ARFGAP3: variants seen among roughly 807,000 people sequenced by gnomAD.
The protein encoded by ARFGAP3 is ADP-ribosylation factor GTPase-activating protein 3.
A neutral mutation model predicts 75.0 loss-of-function variants in ARFGAP3; 72 were observed. The ratio of observed to expected loss-of-function variants is 0.96; its 90% CI spans 0.79 to 1.17. The LOEUF is 1.17. ARFGAP3 is among the 50% of genes most tolerant of loss of function. The probability of loss-of-function intolerance (pLI) is 0.00; values close to 1 mark genes in which losing one functional copy is unlikely to be tolerated. For missense variants in ARFGAP3, 620 were observed against 626.6 expected, an observed-to-expected ratio of 0.99 and a Z score of 0.11; for synonymous variants, 221 against 217.9, an observed-to-expected ratio of 1.01 and a Z score of -0.13.
chr22:42,847,728 C>A, intron 1 of ARFGAP3, 96 bp from the exon 2 acceptor site: 1 of 1,419,544 alleles, frequency 7.0e-7, no homozygotes, highest in Non-Finnish European at 9.3e-7. Flanking sequence ...AACTGTTTAA[C>A]CTTTACAATG....
chr22:42,819,959 CTTTGTT>C (rs1925740651), intron 9 of ARFGAP3, among the ~76,000 whole-genome samples: 1 of 152,216 alleles, frequency 6.6e-6, no homozygotes, highest in South Asian at 2.1e-4. Context: ...CGATCTGCAT[CTTTGTT>C]TTTGTGATGT....
chr22:42,827,115 A>G, intron 6 of ARFGAP3, 116 bp from the exon 7 acceptor site: 1 of 1,426,958 alleles, frequency 7.0e-7, no homozygotes, highest in Non-Finnish European at 9.2e-7. Context: ...GTCAATGATC[A>G]CCTACCTTTT....
intron 14 of ARFGAP3, among the ~76,000 whole-genome samples, chr22:42,803,136 A>C (rs1169760129): frequency 6.6e-6 from 1 of 152,156 alleles, no homozygotes; most frequent in Non-Finnish European, 1.5e-5. Context: ...TTGGAACTAT[A>C]GGCATTAGCC....
intron 1 of ARFGAP3, among the ~76,000 whole-genome samples, chr22:42,856,274 A>G (rs5758990): frequency 0.43 from 65,593 of 152,062 alleles, 14,686 homozygotes; most frequent in Non-Finnish European, 0.48. Flanking sequence ...ATGCCAGCAT[A>G]TCGAGGTTCA....
chr22:42,823,122 T>A (rs1158921412), intron 8 of ARFGAP3, among the ~76,000 whole-genome samples: 1 of 152,068 alleles, frequency 6.6e-6, no homozygotes, highest in Non-Finnish European at 1.5e-5. Flanking sequence ...TTGTTTTTTT[T>A]TCCCCCCCAA....
At chr22:42,807,746 T>C (rs1925189858) in intron 13 of ARFGAP3, among the ~76,000 whole-genome samples, 1 of 152,076 alleles carries the variant, frequency 6.6e-6, no homozygotes, top group African/African-American at 2.4e-5. Flanking sequence ...CCACTTCCAC[T>C]TGAGTCTTAC....
At position 42,797,811 on chromosome 22, in the gene ARFGAP3, A is replaced by G. The variant is rs929796449; in HGVS notation, c.1534-206T>C. 6.7e-5 allele frequency: 59 copies of G among 876,846 alleles called. No homozygotes were observed. The African/African-American group carries it at 1.1e-3, about 16-fold the overall frequency. 54.3% of individuals were successfully genotyped at this position (876,846 alleles called of 1,614,324 possible). On this transcript the variant is annotated intron_variant, in intron 15 of 15. Coordinates refer to ENST00000263245, the MANE Select transcript of ARFGAP3 (RefSeq NM_014570.5). ...GGGTAGGTGTGGGCTTCAGAACCCA[A>G]CAGGATTCACATCCTGCCTCTGGCA...
At chr22:42,851,874 A>T (rs1311292915) in intron 1 of ARFGAP3, among the ~76,000 whole-genome samples, 1 of 152,192 alleles carries the variant, frequency 6.6e-6, no homozygotes, top group Non-Finnish European at 1.5e-5. Flanking sequence ...TTCAGGCACT[A>T]TTGTTGGCAC....
At position 42,798,912 on chromosome 22, in the gene ARFGAP3, T is replaced by C. The variant is rs376391753; in HGVS notation, c.1533+127A>G. On this transcript the variant is annotated intron_variant, in intron 15 of 15. Coordinates refer to ENST00000263245, the MANE Select transcript of ARFGAP3 (RefSeq NM_014570.5). ...GTTTTCATAATGTTCTGGGTTATAG[T>C]GTAGCAAACATATCGATCCAATAAT... is the stretch of plus-strand genomic sequence containing the variant. 529 of 778,644 alleles carry C rather than the reference T, an allele frequency of 6.8e-4. 5 individuals are homozygous for C. In the Middle Eastern group the frequency reaches 7.4e-3, roughly 11 times the overall value. 48.2% of individuals were successfully genotyped at this position (778,644 alleles called of 1,614,324 possible). A position where few individuals can be genotyped will look rare whatever the true frequency, so the allele number is the denominator to read the frequency against.
rs199973508 is a variant in ARFGAP3 at position 42,799,158 on chromosome 22, T to C, written c.1414A>G (p.Asn472Asp). 6.2e-7 allele frequency: 1 copy of C among 1,614,002 alleles called. No homozygotes were observed. Among genetic ancestry groups the C allele is most frequent in the East Asian group, 2.2e-5 (1 of 44,886 alleles). Residue 472 changes from asparagine to aspartate, a missense_variant and splice_region_variant, in exon 15 of 16, where the codon AAC becomes GAC. Transcript: ENST00000263245. ...GGCAGCACACTGGACAGGCTGTAGT[T>C]CCCTGCACACACACAGCAGACACTG... ...FEEPRKQPAG[N>D]YSLSSVLPNA...
intron 14 of ARFGAP3, among the ~76,000 whole-genome samples, chr22:42,802,478 A>G (rs1263781380): frequency 3.4e-5 from 5 of 146,720 alleles, no homozygotes; most frequent in African/African-American, 1.3e-4. Flanking sequence ...ATTTTTTAGT[A>G]GAGATGGGGT....
At chr22:42,838,272 A>T (rs1926618240) in intron 3 of ARFGAP3, among the ~76,000 whole-genome samples, 1 of 117,696 alleles carries the variant, frequency 8.5e-6, no homozygotes, top group Non-Finnish European at 1.9e-5. Context: ...ATATACACAC[A>T]CACATATATA....
At chr22:42,828,464 G>A (rs1926140294) in intron 6 of ARFGAP3, among the ~76,000 whole-genome samples, 1 of 151,942 alleles carries the variant, frequency 6.6e-6, no homozygotes, top group South Asian at 2.1e-4. Flanking sequence ...GCTGAGACAG[G>A]AGAATCGCTT....
chr22:42,829,255 A>G (rs778489483), intron 6 of ARFGAP3, among the ~76,000 whole-genome samples: 15 of 152,178 alleles, frequency 9.9e-5, no homozygotes, highest in Admixed American at 2.0e-4. Flanking sequence ...AATTTCCAGA[A>G]CTGGTGTTTG....
At chr22:42,807,586 G>T (rs1248606721) in intron 13 of ARFGAP3, among the ~76,000 whole-genome samples, 2 of 152,116 alleles carry the variant, frequency 1.3e-5, no homozygotes, top group African/African-American at 4.8e-5. Flanking sequence ...AACAGCAAGG[G>T]GCAATTCTAC....
At chr22:42,843,796 T>C (rs1319616839) in intron 2 of ARFGAP3, among the ~76,000 whole-genome samples, 1 of 151,964 alleles carries the variant, frequency 6.6e-6, no homozygotes, top group Non-Finnish European at 1.5e-5. Context: ...AAAACAGAGC[T>C]AGAGGGGAGG....
intron 1 of ARFGAP3, among the ~76,000 whole-genome samples, chr22:42,852,491 T>C (rs1418883734): frequency 2.0e-5 from 3 of 149,120 alleles, no homozygotes; most frequent in Admixed American, 1.3e-4. Flanking sequence ...TCCCGAGTAG[T>C]TGGGATTACA....
Position 42,834,463 on chromosome 22 carries a change from A to G in ARFGAP3, c.394-138T>C, listed in dbSNP as rs1926434057. On this transcript the variant is annotated intron_variant, in intron 4 of 15. Coordinates refer to ENST00000263245, the MANE Select transcript of ARFGAP3 (RefSeq NM_014570.5). The stretch of plus-strand genomic sequence containing the variant: ...TTCTTATAAAATCAGTAACATCCCT[A>G]CAGAGGACCTCTGCGTGCACTTTAG... The G allele has an allele frequency of 2.8e-6, 4 of 1,438,754 alleles. No individual in the cohort carries two copies. The South Asian group carries it at 6.0e-5, about 21-fold the overall frequency. 89.1% of individuals were successfully genotyped at this position (1,438,754 alleles called of 1,614,324 possible).
chr22:42,820,654 A>G (rs1423391076), intron 9 of ARFGAP3, among the ~76,000 whole-genome samples: 1 of 152,236 alleles, frequency 6.6e-6, no homozygotes, highest in East Asian at 1.9e-4. Flanking sequence ...AATACACATG[A>G]AAGTAAGAGA....
Sources: allele counts gnomAD v4.1 joint callset (sites outside exome capture counted in the v4.1 genomes callset), GRCh38; gene constraint gnomAD v4.1.1; transcripts MANE v1.5; gene names NCBI Gene and HGNC (gene_info 2026-07-23, HGNC 2026-07-21).